Variants in MS4A1 observed in about 807,000 individuals in gnomAD.
The protein encoded by MS4A1 is membrane spanning 4-domains A1, also known as B-lymphocyte antigen CD20.
Under a neutral mutation model 26.5 loss-of-function variants are expected in MS4A1, and 16 were observed. The ratio of observed to expected loss-of-function variants is 0.60; its 90% CI spans 0.41 to 0.92. MS4A1 has a LOEUF of 0.92. Among genes scored for constraint, MS4A1 ranks in the 40% least tolerant of loss-of-function variants. The pLI, the probability that MS4A1 is intolerant of heterozygous loss-of-function variation, is 0.00. For synonymous variants in MS4A1, 128 were observed against 117.6 expected (o/e 1.09, Z -0.57); for missense variants, 350 against 353.0 (o/e 0.99, Z 0.07).
At chr11:60,464,251 A>T (rs2086271804) in intron 4 of MS4A1, 37 bp from the exon 5 acceptor site, 13 of 746,728 alleles carry the variant, frequency 1.7e-5, no homozygotes, top group Non-Finnish European at 2.9e-5. Flanking sequence ...TGTCTTGCCC[A>T]CCCCCTCTCC....
chr11:60,462,300 TA>T lies in MS4A1; in HGVS notation c.-73del. ...AAGCATTCAGATGCATGACACAAGG[TA>T]AGACTGCCAAAAATCTTGTTCTTGC... On this transcript the variant is annotated 5_prime_UTR_variant, in exon 3 of 8. An upstream open reading frame in the 5' UTR loses its in-frame stop. Transcript: ENST00000345732. 6.5e-7 allele frequency: 1 copy of T among 1,533,986 alleles called. No homozygotes were observed. The highest frequency in any genetic ancestry group is 9.0e-7 in the Non-Finnish European group (1 of 1,108,838).
rs771099182 is a variant in MS4A1 at position 60,463,075 on chromosome 11, C to T, written c.233C>T (p.Ala78Val). Reference protein sequence around the residue: ...GLLMIPAGIYAPICVTVWYPL... With the variant: ...GLLMIPAGIYVPICVTVWYPL... The stretch of plus-strand genomic sequence containing the variant: ...CTGATGATCCCAGCAGGGATCTATG[C>T]ACCCATCTGTGTGACTGTGTGGTAC... The change falls in exon 4 of 8, where the codon GCA becomes GTA. Residue 78 changes from alanine (A) to valine (V), a missense_variant. By Grantham distance (64) the Ala-to-Val change is moderately conservative. Coordinates refer to ENST00000345732, the MANE Select transcript of MS4A1 (RefSeq NM_152866.3). 1 of 1,614,118 alleles carries T rather than the reference C, an allele frequency of 6.2e-7. No individual in the cohort carries two copies. Among genetic ancestry groups the T allele is most frequent in the Non-Finnish European group, 8.5e-7 (1 of 1,179,990 alleles).
rs201447352 is a variant in MS4A1 at position 60,470,134 on chromosome 11, C to A, written c.*1666C>A. ...TTAGACCATGGGAGGCTCTTACAGC[C>A]TTGAGTTGATATTTATACAACCCAA... On this transcript the variant is annotated 3_prime_UTR_variant, in exon 8 of 8. Coordinates refer to ENST00000345732, the MANE Select transcript of MS4A1 (RefSeq NM_152866.3). 2 of 151,982 alleles carry A rather than the reference C, an allele frequency of 1.3e-5. No homozygotes were observed. The highest frequency in any genetic ancestry group is 2.1e-4 in the South Asian group (1 of 4,824). The allele number at this position is 151,982 out of a possible 1,614,324, so 9.4% of individuals were successfully genotyped here.
intron 3 of MS4A1, among the ~76,000 whole-genome samples, chr11:60,462,774 CATCCCAGTCCATTGCCAGA>C (rs1454111238): frequency 6.6e-6 from 1 of 152,186 alleles, no homozygotes; most frequent in Non-Finnish European, 1.5e-5. Context: ...AGGGGTCCCC[CATCCCAGTCCATTGCCAGA>C]ATCCCAGGCA....
chr11:60,460,941 A>C (rs1048892083), intron 1 of MS4A1, 131 bp from the exon 2 acceptor site: 3 of 151,896 alleles, frequency 2.0e-5, no homozygotes, highest in Non-Finnish European at 4.4e-5. Flanking sequence ...AATCGAAACT[A>C]ATGCTCAGCA....
At chr11:60,466,241 C>T (rs1418170893) in intron 6 of MS4A1, 84 bp downstream of exon 6, 4 of 1,102,560 alleles carry the variant, frequency 3.6e-6, no homozygotes, top group Non-Finnish European at 5.6e-6. Context: ...AACTCTGGAT[C>T]CAGACCACCT....
chr11:60,467,229 T>C (rs1392846670), intron 7 of MS4A1, among the ~76,000 whole-genome samples, 169 bp downstream of exon 7: 1 of 152,020 alleles, frequency 6.6e-6, no homozygotes, highest in African/African-American at 2.4e-5. Context: ...TGTCTTGAAA[T>C]TTGAAATAAG....
chr11:60,466,170 G>A lies in MS4A1; in HGVS notation c.573+13G>A. 1 of 1,581,554 alleles carries A rather than the reference G, an allele frequency of 6.3e-7. No individual in the cohort carries two copies. Among genetic ancestry groups the A allele is most frequent in the Non-Finnish European group, 8.7e-7 (1 of 1,150,616 alleles). On this transcript the variant is annotated intron_variant, in intron 6 of 7. Transcript: ENST00000345732. ...ATCTCTGTTCTTGGTAAGTGTTCTT[G>A]GTAAGTGTGAGATTGGATTTCTCTC...
At chr11:60,457,870 G>C (rs1192879920) in intron 1 of MS4A1, among the ~76,000 whole-genome samples, 4 of 152,184 alleles carry the variant, frequency 2.6e-5, no homozygotes, top group Non-Finnish European at 5.9e-5. Flanking sequence ...GAAAAAGTGA[G>C]CCTGGGCAGT....
chr11:60,460,151 C>G (rs757384651), intron 1 of MS4A1, among the ~76,000 whole-genome samples: 12 of 152,092 alleles, frequency 7.9e-5, no homozygotes, highest in Non-Finnish European at 1.6e-4. Context: ...GTGGCTGAGG[C>G]AGAAGGATCA....
intron 1 of MS4A1, among the ~76,000 whole-genome samples, chr11:60,456,701 C>G (rs1390202614): frequency 6.6e-6 from 1 of 152,160 alleles, no homozygotes; most frequent in Non-Finnish European, 1.5e-5. Flanking sequence ...TTCCCTTTCC[C>G]TGTTTCCCAT....
intron 1 of MS4A1, among the ~76,000 whole-genome samples, chr11:60,457,279 G>A (rs1414843355): frequency 6.6e-6 from 1 of 152,166 alleles, no homozygotes. Context: ...GGTGGCGGTA[G>A]TGGGATATGA....
At chr11:60,463,564 G>A (rs2086266186) in intron 4 of MS4A1, among the ~76,000 whole-genome samples, 2 of 152,166 alleles carry the variant, frequency 1.3e-5, no homozygotes, top group African/African-American at 2.4e-5. Context: ...TTTGCTTATC[G>A]ACAGAGCAGC....
At chr11:60,457,812 G>C (rs1590841928) in intron 1 of MS4A1, among the ~76,000 whole-genome samples, 1 of 152,162 alleles carries the variant, frequency 6.6e-6, no homozygotes, top group African/African-American at 2.4e-5. Flanking sequence ...GTGGAGAGGA[G>C]GTGGGGGAAG....
chr11:60,466,476 G>A (rs1444093175), intron 6 of MS4A1: 2 of 384,194 alleles, frequency 5.2e-6, no homozygotes, highest in Admixed American at 8.0e-5. Flanking sequence ...ATCATTAATG[G>A]CATTAATATT....
At chr11:60,461,343 A>C (rs554910111) in intron 2 of MS4A1, among the ~76,000 whole-genome samples, 183 bp downstream of exon 2, 13 of 151,750 alleles carry the variant, frequency 8.6e-5, no homozygotes, top group African/African-American at 2.6e-4. Context: ...GTTAAGTGTT[A>C]TAGCAGCCCA....
intron 5 of MS4A1, 31 bp from the exon 6 acceptor site, chr11:60,465,890 C>T: frequency 6.5e-7 from 1 of 1,548,992 alleles, no homozygotes; most frequent in Non-Finnish European, 8.9e-7. Flanking sequence ...GGAAATCAAA[C>T]CCAATTAATA....
At chr11:60,466,786 A>G (rs1035487221) in intron 6 of MS4A1, 173 bp from the exon 7 acceptor site, 1 of 678,224 alleles carries the variant, frequency 1.5e-6, no homozygotes, top group Admixed American at 2.1e-5. Flanking sequence ...GTTAAGAGTT[A>G]GGGTTATAAA....
chr11:60,467,271 G>T (rs1406429515), intron 7 of MS4A1, among the ~76,000 whole-genome samples: 1 of 148,116 alleles, frequency 6.8e-6, no homozygotes, highest in Non-Finnish European at 1.5e-5. Flanking sequence ...TCTATATTCT[G>T]TGCGTCTTTT....
Sources: gnomAD v4.1 joint callset for allele counts (sites outside exome capture counted in the v4.1 genomes callset) on GRCh38, gnomAD v4.1.1 for gene constraint, MANE v1.5 for transcripts, NCBI Gene and HGNC (gene_info 2026-07-23, HGNC 2026-07-21) for gene names.